Variants in UBTD1 observed in about 807,000 individuals in gnomAD.
The protein encoded by UBTD1 is ubiquitin domain containing 1.
In UBTD1, 19 loss-of-function variants were observed where a neutral mutation model predicts 21.7. The ratio of observed to expected loss-of-function variants is 0.87; its 90% confidence interval spans 0.61 to 1.28. The LOEUF (loss-of-function observed/expected upper bound fraction) is 1.28, where lower values mean the gene tolerates loss of function less well. UBTD1 is among the 50% of genes most tolerant of loss of function. The probability of loss-of-function intolerance (pLI) is 0.00; values close to 1 mark genes in which losing one functional copy is unlikely to be tolerated. For missense variants in UBTD1, 282 were observed against 315.1 expected, an observed-to-expected ratio of 0.89 and a Z score of 0.80; for synonymous variants, 116 against 135.1, an observed-to-expected ratio of 0.86 and a Z score of 0.98.
intron 1 of UBTD1, among the ~76,000 whole-genome samples, chr10:97,511,378 C>T (rs1411992314): frequency 6.6e-6 from 1 of 152,110 alleles, no homozygotes; most frequent in African/African-American, 2.4e-5. Context: ...TCATCAGTCT[C>T]AGGTTCCTTC....
At chr10:97,567,178 C>T (rs2040721095) in intron 1 of UBTD1, among the ~76,000 whole-genome samples, 2 of 151,738 alleles carry the variant, frequency 1.3e-5, no homozygotes, top group Admixed American at 1.3e-4. Flanking sequence ...TCAAGTGATT[C>T]TCCCATCTCA....
intron 1 of UBTD1, among the ~76,000 whole-genome samples, chr10:97,549,972 C>T (rs2040628868): frequency 1.3e-5 from 2 of 152,246 alleles, no homozygotes; most frequent in Admixed American, 1.3e-4. Context: ...TTCTTCCTGA[C>T]CCCTTGTTCC....
At chr10:97,566,366 A>G (rs1467036694) in intron 1 of UBTD1, among the ~76,000 whole-genome samples, 5 of 151,842 alleles carry the variant, frequency 3.3e-5, no homozygotes, top group Non-Finnish European at 7.4e-5. Flanking sequence ...GTTTTCCTCC[A>G]AAGAGGGTTT....
At chr10:97,524,689 A>C (rs998772428) in intron 1 of UBTD1, among the ~76,000 whole-genome samples, 1 of 152,216 alleles carries the variant, frequency 6.6e-6, no homozygotes, top group East Asian at 1.9e-4. Context: ...AATGGCCCTG[A>C]TGTCCTCAAC....
At chr10:97,547,242 G>A (rs570530764) in intron 1 of UBTD1, among the ~76,000 whole-genome samples, 4 of 152,312 alleles carry the variant, frequency 2.6e-5, no homozygotes, top group Admixed American at 2.0e-4. Flanking sequence ...GAGGGAGGTT[G>A]GACTGCTATG....
chr10:97,516,918 G>A (rs1343165976), intron 1 of UBTD1, among the ~76,000 whole-genome samples: 1 of 152,178 alleles, frequency 6.6e-6, no homozygotes, highest in Non-Finnish European at 1.5e-5. Flanking sequence ...GTAAGAGGTG[G>A]GGCCTGATGG....
intron 1 of UBTD1, among the ~76,000 whole-genome samples, chr10:97,558,840 C>T (rs1388568887): frequency 2.6e-5 from 4 of 152,114 alleles, no homozygotes; most frequent in African/African-American, 9.7e-5. Context: ...AGTTGAAAGA[C>T]CTATAAGGGG....
chr10:97,525,037 G>A (rs1218635702), intron 1 of UBTD1, among the ~76,000 whole-genome samples: 1 of 152,216 alleles, frequency 6.6e-6, no homozygotes, highest in African/African-American at 2.4e-5. Flanking sequence ...ACAGAAGATG[G>A]AGAGTATTTT....
intron 1 of UBTD1, among the ~76,000 whole-genome samples, chr10:97,536,008 T>TTATTATTATTATTC (rs1200462477): frequency 0.013 from 250 of 19,516 alleles, no homozygotes; most frequent in Non-Finnish European, 0.029. Flanking sequence ...TATTATTATT[T>TTATTATTATTATTC]CGAGACAGAA....
chr10:97,527,658 C>G (rs992403575), intron 1 of UBTD1, among the ~76,000 whole-genome samples: 4 of 151,890 alleles, frequency 2.6e-5, no homozygotes, highest in Non-Finnish European at 5.9e-5. Flanking sequence ...TGACTCTTAA[C>G]GAGCATGCTG....
At chr10:97,540,390 GACGCA>G (rs2040582132) in intron 1 of UBTD1, among the ~76,000 whole-genome samples, 1 of 152,232 alleles carries the variant, frequency 6.6e-6, no homozygotes, top group Non-Finnish European at 1.5e-5. Context: ...ACACTCAGGA[GACGCA>G]GTATCTTGTG....
At chr10:97,530,513 G>A (rs965502539) in intron 1 of UBTD1, among the ~76,000 whole-genome samples, 2 of 152,320 alleles carry the variant, frequency 1.3e-5, no homozygotes, top group East Asian at 3.9e-4. Flanking sequence ...AGATGATTCT[G>A]TGTGAAGTAA....
intron 1 of UBTD1, among the ~76,000 whole-genome samples, chr10:97,560,703 T>C (rs2040688426): frequency 6.6e-6 from 1 of 152,168 alleles, no homozygotes; most frequent in African/African-American, 2.4e-5. Context: ...GGTGTCACAG[T>C]AGCACTGTAA....
At chr10:97,532,926 C>G (rs1047924406) in intron 1 of UBTD1, among the ~76,000 whole-genome samples, 1 of 152,224 alleles carries the variant, frequency 6.6e-6, no homozygotes, top group Non-Finnish European at 1.5e-5. Flanking sequence ...AGCCTGGAGT[C>G]TGGCGCATCT....
intron 1 of UBTD1, among the ~76,000 whole-genome samples, chr10:97,518,627 T>C (rs1266602619): frequency 6.6e-6 from 1 of 152,214 alleles, no homozygotes; most frequent in Non-Finnish European, 1.5e-5. Context: ...TCAGACCCCT[T>C]GGAGCATTAT....
chr10:97,524,538 A>ACGATTC (rs1433481995), intron 1 of UBTD1, among the ~76,000 whole-genome samples: 1 of 152,220 alleles, frequency 6.6e-6, no homozygotes, highest in African/African-American at 2.4e-5. Flanking sequence ...TTTGAGGACT[A>ACGATTC]CGATGACTTA....
rs1181275461 is a variant in UBTD1 at position 97,570,099 on chromosome 10, A to G, written c.299-39A>G. On this transcript the variant is annotated intron_variant, in intron 2 of 2. Transcript: ENST00000370664. This position sits in a 1 kb window ranked among gnomAD's most constrained non-coding sequence, Gnocchi z 6.6. ...CCAAACATTTAATCCATGATAGTGG[A>G]TCCCCAAGCTGACTCTGACAGCCCT... 1.3e-6 allele frequency: 2 copies of G among 1,563,484 alleles called. No homozygotes were observed. Among genetic ancestry groups the G allele is most frequent in the Admixed American group, 1.8e-5 (1 of 56,442 alleles).
intron 1 of UBTD1, among the ~76,000 whole-genome samples, chr10:97,531,148 A>G (rs2040529546): frequency 6.6e-6 from 1 of 151,464 alleles, no homozygotes; most frequent in Admixed American, 6.6e-5. Flanking sequence ...TGGCCTCCCA[A>G]AGTGCTGGGA....
chr10:97,564,132 C>T (rs964984180), intron 1 of UBTD1, among the ~76,000 whole-genome samples: 1 of 152,184 alleles, frequency 6.6e-6, no homozygotes, highest in South Asian at 2.1e-4. Flanking sequence ...AAGAACTGAT[C>T]GTCCAGCTAG....
Sources: gnomAD v4.1 joint callset for allele counts (sites outside exome capture counted in the v4.1 genomes callset) on GRCh38, gnomAD v4.1.1 for gene constraint, Gnocchi (gnomAD v3.1) non-coding constraint, MANE v1.5 for transcripts, NCBI Gene and HGNC (gene_info 2026-07-23, HGNC 2026-07-21) for gene names.